The following ZNF721 variants were observed in gnomAD, a reference collection of about 807,000 sequenced individuals.
ZNF721 encodes zinc finger protein 721.
Under a neutral mutation model 2.4 loss-of-function variants are expected in ZNF721, and 2 were observed. The ratio of observed to expected loss-of-function variants is 0.82; its 90% CI spans 0.34 to 2.58. ZNF721 has a LOEUF of 2.58. Among genes scored for constraint, ZNF721 ranks in the 30% most tolerant of loss-of-function variants. ZNF721 has a pLI of 0.11. For missense variants in ZNF721, 1,187 were observed against 1,085.5 expected, an observed-to-expected ratio of 1.09 and a Z score of -1.31; for synonymous variants, 398 against 381.8, an observed-to-expected ratio of 1.04 and a Z score of -0.50.
At chr4:459,601 T>C (rs1576960185) in intron 2 of ZNF721, among the ~76,000 whole-genome samples, 1 of 152,028 alleles carries the variant, frequency 6.6e-6, no homozygotes, top group African/African-American at 2.4e-5. Flanking sequence ...GAGGCCGAGG[T>C]GGACAGATCA....
intron 1 of ZNF721, among the ~76,000 whole-genome samples, chr4:476,112 C>A (rs1489557551): frequency 6.6e-6 from 1 of 152,162 alleles, no homozygotes; most frequent in African/African-American, 2.4e-5. Context: ...CTGAATTCTG[C>A]TTCAGTCACC....
chr4:498,079 C>G (rs1200736379), intron 1 of ZNF721, among the ~76,000 whole-genome samples: 1 of 151,678 alleles, frequency 6.6e-6, no homozygotes, highest in Non-Finnish European at 1.5e-5. Flanking sequence ...GTGGCACGCA[C>G]CTGTAATCCC....
In ZNF721 at chr4:441,957, T is replaced by G; in HGVS notation, c.2510A>C (p.Tyr837Ser). 2.5e-6 allele frequency: 4 copies of G among 1,614,096 alleles called. No individual in the cohort carries two copies. The highest frequency in any genetic ancestry group is 3.4e-6 in the Non-Finnish European group (4 of 1,179,990). The change falls in exon 3 of 3, where the codon TAC becomes TCC. Residue 837 changes from tyrosine to serine, a missense_variant. Physicochemically the swap from Tyr to Ser is moderately radical, Grantham distance 144. Transcript: ENST00000511833. ...HRRIHTGEKP[Y>S]TCEECGKAFR... The stretch of plus-strand genomic sequence containing the variant: ...GGCTTTGCCACATTCTTCACATGTG[T>G]AGGGTTTCTCTCCAGTATGAATTCT...
chr4:452,010 T>C (rs990351361), intron 2 of ZNF721, among the ~76,000 whole-genome samples: 1 of 152,190 alleles, frequency 6.6e-6, no homozygotes, highest in Non-Finnish European at 1.5e-5. Context: ...CCGGTATAGA[T>C]GGTGCTTGCT....
At chr4:496,545 C>T (rs1165554471) in intron 1 of ZNF721, among the ~76,000 whole-genome samples, 1 of 151,934 alleles carries the variant, frequency 6.6e-6, no homozygotes, top group Non-Finnish European at 1.5e-5. Context: ...GCTCTTATTT[C>T]TTCAGAGGGG....
At chr4:466,120 A>G (rs1423878398) in intron 2 of ZNF721, among the ~76,000 whole-genome samples, 3 of 151,362 alleles carry the variant, frequency 2.0e-5, no homozygotes, top group Non-Finnish European at 2.9e-5. Context: ...CCTCAGCCTC[A>G]GTTATTAAAA....
chr4:482,969 C>T (rs1419932722), intron 1 of ZNF721, among the ~76,000 whole-genome samples: 1 of 152,120 alleles, frequency 6.6e-6, no homozygotes, highest in Non-Finnish European at 1.5e-5. Flanking sequence ...TAATTGTTAA[C>T]TGGTAGTAAT....
At chr4:479,424 G>T (rs1436747926) in intron 1 of ZNF721, among the ~76,000 whole-genome samples, 1 of 152,150 alleles carries the variant, frequency 6.6e-6, no homozygotes, top group Non-Finnish European at 1.5e-5. Context: ...CTCATGGTTG[G>T]GCACATGGAT....
At chr4:486,136 TTGAG>T (rs1339534297) in intron 1 of ZNF721, among the ~76,000 whole-genome samples, 2 of 150,878 alleles carry the variant, frequency 1.3e-5, no homozygotes, top group East Asian at 4.0e-4. Flanking sequence ...AATGCATTGG[TTGAG>T]TGTGATTTCT....
chr4:443,154 ATT>A lies in ZNF721; in HGVS notation c.1311_1312del (p.Lys437AsnfsTer6), dbSNP rs781831051. 1 of 1,613,406 alleles carries A rather than the reference ATT, an allele frequency of 6.2e-7. No individual in the cohort carries two copies. Among genetic ancestry groups the A allele is most frequent in the East Asian group, 2.2e-5 (1 of 44,844 alleles). On this transcript the variant is annotated frameshift_variant, in exon 3 of 3. Coordinates refer to ENST00000511833, the MANE Select transcript of ZNF721 (RefSeq NM_133474.4). LOFTEE classifies it low-confidence loss of function (END_TRUNC). Reference sequence around the variant, plus strand: ...TTTGTAGGGTTTATCTCCAGTATGAATTTTCTTATATTCATTCAGGTTTGTGG... The same window carrying A: ...TTTGTAGGGTTTATCTCCAGTATGAATTCTTATATTCATTCAGGTTTGTGG...
Position 442,019 on chromosome 4 carries a change from T to G in ZNF721, c.2448A>C (p.Lys816Asn). The part of the protein sequence containing the change: ...EKPFKCLECG[K>N]AFTSSTTLTK... ...TAAGGGTTGTGGAACTAGTAAACGCTTTACCACATTCTAAACATTTAAAGG... is the reference window on the plus strand; with the variant it reads ...TAAGGGTTGTGGAACTAGTAAACGCGTTACCACATTCTAAACATTTAAAGG... The change falls in exon 3 of 3, where the codon AAA becomes AAC. Residue 816 changes from lysine (K) to asparagine (N), a missense_variant. Transcript: ENST00000511833. The G allele has an allele frequency of 6.2e-7, 1 of 1,613,992 alleles. No homozygotes were observed. Among genetic ancestry groups the G allele is most frequent in the Non-Finnish European group, 8.5e-7 (1 of 1,179,908 alleles).
At chr4:469,501 C>T (rs868953369) in intron 2 of ZNF721, among the ~76,000 whole-genome samples, 39 of 152,088 alleles carry the variant, frequency 2.6e-4, no homozygotes, top group South Asian at 1.5e-3. Flanking sequence ...AGTATATTAT[C>T]GAAAGTGATT....
At chr4:481,055 G>A (rs781872948) in intron 1 of ZNF721, among the ~76,000 whole-genome samples, 3 of 152,094 alleles carry the variant, frequency 2.0e-5, no homozygotes, top group African/African-American at 7.2e-5. Context: ...CCAAGTAACT[G>A]GGACTACAGA....
chr4:459,699 C>T (rs906088549), intron 2 of ZNF721, among the ~76,000 whole-genome samples: 1 of 151,882 alleles, frequency 6.6e-6, no homozygotes. Flanking sequence ...GGCGTGGTGG[C>T]GGGCGCCTGT....
chr4:464,260 C>T (rs1715166554), intron 2 of ZNF721, among the ~76,000 whole-genome samples: 1 of 151,848 alleles, frequency 6.6e-6, no homozygotes, highest in Non-Finnish European at 1.5e-5. Flanking sequence ...CACCTGAGGT[C>T]AGGGGTTCAA....
intron 1 of ZNF721, among the ~76,000 whole-genome samples, chr4:477,658 A>C (rs1168056876): frequency 6.6e-6 from 1 of 152,164 alleles, no homozygotes; most frequent in East Asian, 1.9e-4. Context: ...CCGATAGTTT[A>C]AAATGAGCAG....
chr4:497,428 A>C (rs904164885), intron 1 of ZNF721, among the ~76,000 whole-genome samples: 2 of 151,996 alleles, frequency 1.3e-5, no homozygotes, highest in African/African-American at 2.4e-5. Flanking sequence ...TATCAATGTC[A>C]ATCGAGAAAA....
In ZNF721 at chr4:443,184, A is replaced by G; in HGVS notation, c.1283T>C (p.Leu428Ser). ...TCEDRGRAFG[L>S]STNLNEYKKI... ...CTTATATTCATTCAGGTTTGTGGAC[A>G]ATCCAAAGGCTCTGCCACGATCTTC... The change falls in exon 3 of 3, where the codon TTG (leucine) becomes TCG (serine). Residue 428 changes from leucine to serine, a missense_variant. Physicochemically the swap from Leu to Ser is moderately radical, Grantham distance 145. Coordinates refer to ENST00000511833, the MANE Select transcript of ZNF721 (RefSeq NM_133474.4). 1 of 1,608,082 alleles carries G rather than the reference A, an allele frequency of 6.2e-7. No homozygotes were observed. The highest frequency in any genetic ancestry group is 8.5e-7 in the Non-Finnish European group (1 of 1,177,952).
chr4:445,036 G>A (rs1273320331), intron 2 of ZNF721, among the ~76,000 whole-genome samples: 2 of 145,426 alleles, frequency 1.4e-5, no homozygotes, highest in Non-Finnish European at 3.0e-5. Flanking sequence ...CCAGGCTGGA[G>A]TGCAGTGGCG....
Sources: gnomAD v4.1 joint callset for allele counts (sites outside exome capture counted in the v4.1 genomes callset) on GRCh38, gnomAD v4.1.1 for gene constraint, MANE v1.5 for transcripts, NCBI Gene and HGNC (gene_info 2026-07-23, HGNC 2026-07-21) for gene names.